Variants in PLD5 observed in about 807,000 individuals in gnomAD.
PLD5 encodes the protein inactive phospholipase D5.
In PLD5, 36 loss-of-function variants were observed where a neutral mutation model predicts 61.1. That is an observed-to-expected ratio of 0.59 (90% CI 0.45 to 0.78). The LOEUF is 0.78. Among genes scored for constraint, PLD5 ranks in the 30% least tolerant of loss-of-function variants. PLD5 has a pLI of 0.00. For missense variants in PLD5, 515 were observed against 644.4 expected, an observed-to-expected ratio of 0.80 and a Z score of 2.17; for synonymous variants, 243 against 242.8, an observed-to-expected ratio of 1.00 and a Z score of -0.01.
intron 1 of PLD5, among the ~76,000 whole-genome samples, chr1:242,377,881 G>A (rs995351466): frequency 6.6e-6 from 1 of 152,188 alleles, no homozygotes; most frequent in Admixed American, 6.5e-5. Flanking sequence ...TATTAGTAAG[G>A]AGGTGGAGAA....
chr1:242,517,042 G>A (rs915147783), intron 1 of PLD5, among the ~76,000 whole-genome samples: 1 of 149,434 alleles, frequency 6.7e-6, no homozygotes, highest in African/African-American at 2.6e-5. Flanking sequence ...TATTGGCTTT[G>A]AATCCAGTGG....
intron 1 of PLD5, among the ~76,000 whole-genome samples, chr1:242,390,778 C>G (rs189335697): frequency 6.6e-6 from 1 of 152,144 alleles, no homozygotes; most frequent in African/African-American, 2.4e-5. Flanking sequence ...AGACTATGTT[C>G]TTCCTAACAA....
At chr1:242,527,774 GA>G (rs1322171173), upstream of PLD5, among the ~76,000 whole-genome samples, 18 of 152,288 alleles carry the variant, frequency 1.2e-4, no homozygotes, top group Middle Eastern at 6.8e-3. Flanking sequence ...TTGTAGGGAA[GA>G]AAAATAGTGT....
chr1:242,190,711 A>G (rs178428), intron 5 of PLD5, among the ~76,000 whole-genome samples: 126,327 of 151,544 alleles, frequency 0.83, 53,032 homozygotes, highest in South Asian at 0.94. Context: ...GCAAAACCTC[A>G]TCTCTTAAAA....
At chr1:242,394,879 A>AAT (rs1462958079) in intron 1 of PLD5, among the ~76,000 whole-genome samples, 1 of 84,850 alleles carries the variant, frequency 1.2e-5, no homozygotes. Flanking sequence ...AATATATATG[A>AAT]ATATATGTAT....
chr1:242,447,701 C>A (rs191866430), intron 1 of PLD5, among the ~76,000 whole-genome samples: 3 of 152,314 alleles, frequency 2.0e-5, no homozygotes, highest in African/African-American at 7.2e-5. Flanking sequence ...TAGTTCCCAT[C>A]GCACCCTTCC....
intron 1 of PLD5, among the ~76,000 whole-genome samples, chr1:242,477,417 T>A (rs73144018): frequency 0.014 from 2,110 of 152,322 alleles, 53 homozygotes; most frequent in African/African-American, 0.049. Flanking sequence ...TGTCTTTCTA[T>A]ATTCTGCACA....
chr1:242,412,312 G>A (rs1275106129), intron 1 of PLD5, among the ~76,000 whole-genome samples: 1 of 152,152 alleles, frequency 6.6e-6, no homozygotes, highest in South Asian at 2.1e-4. Context: ...TGGTCAAGAA[G>A]GTGTCCATTC....
chr1:242,173,803 T>C (rs1366015665), intron 5 of PLD5, among the ~76,000 whole-genome samples: 1 of 152,142 alleles, frequency 6.6e-6, no homozygotes, highest in Non-Finnish European at 1.5e-5. Context: ...GGGGAAAGGA[T>C]TCCCTATTTA....
chr1:242,355,091 G>A (rs1404992409), intron 1 of PLD5, among the ~76,000 whole-genome samples: 1 of 152,040 alleles, frequency 6.6e-6, no homozygotes, highest in African/African-American at 2.4e-5. Context: ...TTCTTTACTT[G>A]TGATGTCCTT....
rs926232716 is a variant in PLD5 at position 242,083,925 on chromosome 1, G to A, written c.*5929C>T. On this transcript the variant is annotated 3_prime_UTR_variant, in exon 10 of 10. Transcript: ENST00000536534. ...AACCATCTGTGTTTGTCTTGCAAGG[G>A]GCTCAGAATGTCTCATCTGCTTTTC... 1 of 152,096 alleles carries A rather than the reference G, an allele frequency of 6.6e-6. No individual in the cohort carries two copies. Among genetic ancestry groups the A allele is most frequent in the African/African-American group, 2.4e-5 (1 of 41,414 alleles). The allele number at this position is 152,096 out of a possible 1,614,324, so 9.4% of individuals were successfully genotyped here.
intron 2 of PLD5, among the ~76,000 whole-genome samples, chr1:242,340,298 T>C (rs1659755726): frequency 6.6e-6 from 1 of 152,056 alleles, no homozygotes; most frequent in Non-Finnish European, 1.5e-5. Flanking sequence ...AGAAGAGTGC[T>C]CAGATATCAA....
At chr1:242,386,013 G>A (rs371241929) in intron 1 of PLD5, among the ~76,000 whole-genome samples, 2 of 152,240 alleles carry the variant, frequency 1.3e-5, no homozygotes, top group East Asian at 3.9e-4. Flanking sequence ...AGAGCTGAGG[G>A]AGGGATCCAT....
intron 1 of PLD5, among the ~76,000 whole-genome samples, chr1:242,459,262 T>C (rs773194454): frequency 2.6e-5 from 4 of 152,162 alleles, no homozygotes; most frequent in Non-Finnish European, 5.9e-5. Flanking sequence ...TACAAGGAAG[T>C]GAAGATAATT....
At chr1:242,124,421 C>G (rs1287263656) in intron 6 of PLD5, 47 bp downstream of exon 6, 1 of 1,557,206 alleles carries the variant, frequency 6.4e-7, no homozygotes, top group Non-Finnish European at 8.8e-7. Flanking sequence ...AATAAAGAGC[C>G]TTTGGAGGAA....
At chr1:242,477,392 C>T (rs1667629184) in intron 1 of PLD5, among the ~76,000 whole-genome samples, 1 of 152,196 alleles carries the variant, frequency 6.6e-6, no homozygotes, top group African/African-American at 2.4e-5. Flanking sequence ...AGGATAGGTG[C>T]AAGATCAGTA....
At chr1:242,279,110 C>T (rs1380559881) in intron 3 of PLD5, among the ~76,000 whole-genome samples, 1 of 152,208 alleles carries the variant, frequency 6.6e-6, no homozygotes, top group Non-Finnish European at 1.5e-5. Context: ...GATGTGGGTC[C>T]TAGAGTCCAG....
chr1:242,377,479 A>T (rs1386274411), intron 1 of PLD5: 1 of 681,424 alleles, frequency 1.5e-6, no homozygotes, highest in African/African-American at 1.8e-5. Context: ...ATTCTTTAAT[A>T]GTAAACACAG....
chr1:242,520,151 T>C (rs750113473), intron 1 of PLD5, among the ~76,000 whole-genome samples: 3 of 152,170 alleles, frequency 2.0e-5, no homozygotes, highest in Non-Finnish European at 4.4e-5. Context: ...GAATGGATGA[T>C]TTCTGGGCGG....
Sources: gnomAD v4.1 joint callset for allele counts (sites outside exome capture counted in the v4.1 genomes callset) on GRCh38, gnomAD v4.1.1 for gene constraint, MANE v1.5 for transcripts, NCBI Gene and HGNC (gene_info 2026-07-23, HGNC 2026-07-21) for gene names.